PSME4: variants seen among roughly 807,000 people sequenced by gnomAD.
The protein encoded by PSME4 is proteasome activator subunit 4.
Under a neutral mutation model 253.9 loss-of-function variants are expected in PSME4, and 89 were observed. The ratio of observed to expected loss-of-function variants is 0.35; its 90% CI spans 0.30 to 0.42. The LOEUF is 0.42. PSME4 is among the 10% of genes least tolerant of loss of function. The pLI is 1.00. For synonymous variants in PSME4, 851 were observed against 759.2 expected, an observed-to-expected ratio of 1.12 and a Z score of -1.99; for missense variants, 2,014 against 2,195.2, an observed-to-expected ratio of 0.92 and a Z score of 1.65.
intron 1 of PSME4, among the ~76,000 whole-genome samples, chr2:53,964,711 G>A (rs887214671): frequency 2.0e-5 from 3 of 152,260 alleles, no homozygotes; most frequent in African/African-American, 7.2e-5. Context: ...TTCCCAACAC[G>A]GGGATGATAT....
At chr2:53,886,325 CTT>C (rs1299909407) in intron 40 of PSME4, among the ~76,000 whole-genome samples, 1 of 152,190 alleles carries the variant, frequency 6.6e-6, no homozygotes, top group Non-Finnish European at 1.5e-5. Flanking sequence ...GGGAGGATCT[CTT>C]GAGCCCCGGA....
intron 1 of PSME4, among the ~76,000 whole-genome samples, chr2:53,953,996 C>T (rs1440214241): frequency 6.6e-6 from 1 of 152,202 alleles, no homozygotes; most frequent in African/African-American, 2.4e-5. Context: ...CACAGCCCTA[C>T]AGTGTATTAA....
At chr2:53,888,122 C>T in intron 38 of PSME4, 133 bp from the exon 39 acceptor site, 1 of 846,256 alleles carries the variant, frequency 1.2e-6, no homozygotes, top group East Asian at 3.0e-5. Flanking sequence ...ACAATATCCA[C>T]AACTCAAAAT....
intron 1 of PSME4, among the ~76,000 whole-genome samples, chr2:53,954,047 T>C (rs2104481045): frequency 6.6e-6 from 1 of 152,284 alleles, no homozygotes; most frequent in South Asian, 2.1e-4. Context: ...GACAGTGGGC[T>C]GGCCGGGCGC....
Position 53,890,148 on chromosome 2 carries a change from C to T in PSME4, c.4252G>A (p.Val1418Ile), listed in dbSNP as rs199824579. The T allele has an allele frequency of 1.3e-5, 21 of 1,613,720 alleles. No homozygotes were observed. Among genetic ancestry groups the T allele is most frequent in the Non-Finnish European group, 1.7e-5 (20 of 1,179,884 alleles). ...GCTCCCCAGTCATTATAAGTTTCTA[C>T]GGTAATATTGGACAGTGCTGTTCTA... Reference protein sequence around the residue: ...LLRTALSNITVETYNDWGACI... With the variant: ...LLRTALSNITIETYNDWGACI... Residue 1418 changes from valine to isoleucine, a missense_variant, in exon 37 of 47, where the codon GTA becomes ATA. By Grantham distance (29) the Val-to-Ile change is conservative. Coordinates refer to ENST00000404125, the MANE Select transcript of PSME4 (RefSeq NM_014614.3).
intron 2 of PSME4, 50 bp from the exon 3 acceptor site, chr2:53,948,587 G>A: frequency 9.0e-7 from 1 of 1,105,854 alleles, no homozygotes; most frequent in Non-Finnish European, 1.4e-6. Context: ...GTGCACAGAT[G>A]TGTGTATACC....
intron 3 of PSME4, among the ~76,000 whole-genome samples, chr2:53,942,660 G>A (rs988571311): frequency 6.6e-6 from 1 of 151,988 alleles, no homozygotes; most frequent in African/African-American, 2.4e-5. Flanking sequence ...GCAGGTATAC[G>A]GCCCAGAATT....
intron 2 of PSME4, 130 bp downstream of exon 2, chr2:53,949,013 G>GT (rs1243351624): frequency 1.4e-5 from 17 of 1,236,702 alleles, no homozygotes; most frequent in Middle Eastern, 2.0e-4. Flanking sequence ...TTAAGATAAT[G>GT]TTTTTTGCAA....
chr2:53,944,308 G>A (rs919356618), intron 3 of PSME4, among the ~76,000 whole-genome samples: 12 of 152,058 alleles, frequency 7.9e-5, no homozygotes, highest in Admixed American at 6.5e-4. Context: ...ACAGGCATGC[G>A]CCATCACACC....
In PSME4 at chr2:53,922,505, G is replaced by C; in HGVS notation, c.2046+12C>G. ...TCACAGTCATGTTTCTTATTCCAAA[G>C]ATTTACAATACCTCAGACAAAAGTT... On this transcript the variant is annotated intron_variant, in intron 17 of 46. Coordinates refer to ENST00000404125, the MANE Select transcript of PSME4 (RefSeq NM_014614.3). 6.2e-7 allele frequency: 1 copy of C among 1,610,810 alleles called. No individual in the cohort carries two copies. Among genetic ancestry groups the C allele is most frequent in the African/African-American group, 1.3e-5 (1 of 74,904 alleles).
chr2:53,963,832 C>G (rs544966087), intron 1 of PSME4, among the ~76,000 whole-genome samples: 1 of 151,832 alleles, frequency 6.6e-6, no homozygotes, highest in Non-Finnish European at 1.5e-5. Flanking sequence ...ATTGGTATTG[C>G]TTTTTTTAAA....
chr2:53,917,622 A>C (rs1182084139), intron 20 of PSME4, among the ~76,000 whole-genome samples: 1 of 152,196 alleles, frequency 6.6e-6, no homozygotes, highest in East Asian at 1.9e-4. Context: ...TTGCTCTTAG[A>C]TAAATTATTG....
chr2:53,950,972 G>A (rs1279603477), intron 1 of PSME4, among the ~76,000 whole-genome samples: 1 of 152,164 alleles, frequency 6.6e-6, no homozygotes, highest in Non-Finnish European at 1.5e-5. Context: ...AACCCCTGGA[G>A]GAGGGTCATT....
At chr2:53,953,822 T>A (rs1421491491) in intron 1 of PSME4, among the ~76,000 whole-genome samples, 1 of 152,130 alleles carries the variant, frequency 6.6e-6, no homozygotes, top group Non-Finnish European at 1.5e-5. Flanking sequence ...CCAAAATAAC[T>A]GAAAACCCTG....
Position 53,896,448 on chromosome 2 carries a change from G to C in PSME4, c.3688+356C>G, listed in dbSNP as rs566726934. ...TGGTTTTTTCTTCTGAAAAATTCTGGTAATACAATAAGGTATGAGGAAGAA... is the reference window on the plus strand; with the variant it reads ...TGGTTTTTTCTTCTGAAAAATTCTGCTAATACAATAAGGTATGAGGAAGAA... On this transcript the variant is annotated intron_variant, in intron 32 of 46. Transcript: ENST00000404125. 3.9e-5 allele frequency among the ~76,000 whole-genome samples: 6 copies of C among 152,172 alleles called. No homozygotes were observed. In the South Asian group the frequency reaches 1.2e-3, roughly 32 times the overall value.
At chr2:53,869,312 G>A in intron 44 of PSME4, 64 bp downstream of exon 44, 2 of 1,408,408 alleles carry the variant, frequency 1.4e-6, no homozygotes, top group Admixed American at 1.8e-5. Flanking sequence ...ATAAATATGA[G>A]TAAGCCTGGT....
intron 27 of PSME4, 105 bp downstream of exon 27, chr2:53,903,920 C>A: frequency 6.6e-6 from 6 of 908,548 alleles, no homozygotes; most frequent in East Asian, 2.6e-5. Flanking sequence ...ATCTTAAATA[C>A]AGAATCTCAG....
chr2:53,888,076 C>A, intron 38 of PSME4, 87 bp from the exon 39 acceptor site: 1 of 1,352,194 alleles, frequency 7.4e-7, no homozygotes. Context: ...CTGTATTTCA[C>A]TTAAAGCTTT....
chr2:53,942,656 A>G (rs1186864624), intron 3 of PSME4, among the ~76,000 whole-genome samples: 3 of 152,210 alleles, frequency 2.0e-5, no homozygotes, highest in Non-Finnish European at 4.4e-5. Flanking sequence ...GAAAGCAGGT[A>G]TACGGCCCAG....
Sources: gnomAD v4.1 joint callset for allele counts (sites outside exome capture counted in the v4.1 genomes callset) on GRCh38, gnomAD v4.1.1 for gene constraint, MANE v1.5 for transcripts, NCBI Gene and HGNC (gene_info 2026-07-23, HGNC 2026-07-21) for gene names.